The following GNG7 variants were observed in gnomAD, a reference collection of about 807,000 sequenced individuals.
The protein encoded by GNG7 is G protein subunit gamma 7.
GNG7 carries 1 observed loss-of-function variant against 4.0 expected under a neutral mutation model. That is an observed-to-expected ratio of 0.25 (90% CI 0.09 to 1.18). The LOEUF (loss-of-function observed/expected upper bound fraction) is 1.18. Among genes scored for constraint, GNG7 ranks in the 50% most tolerant of loss-of-function variants. The pLI is 0.50. For missense variants in GNG7, 86 were observed against 91.9 expected (o/e 0.94, Z 0.26); for synonymous variants, 34 against 36.9 (o/e 0.92, Z 0.29).
At chr19:2,677,007 C>T (rs923641373) in intron 1 of GNG7, among the ~76,000 whole-genome samples, 3 of 152,120 alleles carry the variant, frequency 2.0e-5, no homozygotes, top group South Asian at 2.1e-4. Context: ...TTCTCCTGGC[C>T]GTGATCCGGC....
chr19:2,545,127 A>C (rs1038698223), intron 3 of GNG7, among the ~76,000 whole-genome samples: 1 of 151,450 alleles, frequency 6.6e-6, no homozygotes, highest in Non-Finnish European at 1.5e-5. Context: ...GGAATCCCCT[A>C]TCCCTGGGGG....
intron 3 of GNG7, among the ~76,000 whole-genome samples, chr19:2,533,505 G>T (rs1481051926): frequency 6.6e-6 from 1 of 152,060 alleles, no homozygotes; most frequent in African/African-American, 2.4e-5. Flanking sequence ...GTACACATTT[G>T]CTAAAATCCA....
In GNG7 at chr19:2,513,916, A is replaced by AC. The variant is rs34327923; in HGVS notation, c.*1105dup. The AC allele has an allele frequency of 0.67, 102,566 of 152,240 alleles. 34,726 individuals are homozygous for AC. Among genetic ancestry groups the AC allele is most frequent in the South Asian group, 0.79 (3,812 of 4,834 alleles). 9.4% of individuals were successfully genotyped at this position (152,240 alleles called of 1,614,324 possible). On this transcript the variant is annotated 3_prime_UTR_variant, in exon 5 of 5. Coordinates refer to ENST00000382159, the MANE Select transcript of GNG7 (RefSeq NM_052847.3). ...CACGCGGATGCCTCATGCTTAAAAC[A>AC]CACTGGGCGCGGTGGCTCATGCCTG...
At chr19:2,650,288 C>T (rs56410449) in intron 1 of GNG7, among the ~76,000 whole-genome samples, 71,289 of 149,978 alleles carry the variant, frequency 0.48, 16,910 homozygotes, top group East Asian at 0.54. Flanking sequence ...CGAGTTCAAG[C>T]GATTCTCCTG....
At chr19:2,575,828 C>T (rs1343723178) in intron 2 of GNG7, among the ~76,000 whole-genome samples, 1 of 145,366 alleles carries the variant, frequency 6.9e-6, no homozygotes, top group East Asian at 2.1e-4. Flanking sequence ...CAGGCACACG[C>T]AGACAGGCAG....
intron 1 of GNG7, among the ~76,000 whole-genome samples, chr19:2,681,086 A>G (rs1460883890): frequency 6.6e-6 from 1 of 151,844 alleles, no homozygotes; most frequent in East Asian, 1.9e-4. Context: ...TGTTTCTTTG[A>G]TCCTCCTGTG....
chr19:2,632,451 A>C lies in GNG7; in HGVS notation c.-78+13773T>G, dbSNP rs1391083956. On this transcript the variant is annotated intron_variant, in intron 2 of 4. Transcript: ENST00000382159. The stretch of plus-strand genomic sequence containing the variant: ...TCTCAAAAAAAAAAAAAACAAAAAA[A>C]CCCAACCTGCTATAAACAAAACTCA... The C allele has an allele frequency of 2.0e-5, 3 of 150,370 alleles. No homozygotes were observed. The East Asian group carries it at 5.8e-4, about 29-fold the overall frequency. The allele number at this position is 150,370 out of a possible 1,614,324, so 9.3% of individuals were successfully genotyped here. A position where few individuals can be genotyped will look rare whatever the true frequency, so the allele number is the denominator to read the frequency against.
chr19:2,543,511 C>A (rs1979030114), intron 3 of GNG7, among the ~76,000 whole-genome samples: 1 of 152,204 alleles, frequency 6.6e-6, no homozygotes, highest in South Asian at 2.1e-4. Context: ...GGGCATGAAC[C>A]CCCGCTCCCG....
chr19:2,573,532 T>C lies in GNG7; in HGVS notation c.-77-18344A>G, dbSNP rs1599399298. Among the ~76,000 whole-genome samples, 3 of 151,852 alleles carry C rather than the reference T, an allele frequency of 2.0e-5. No homozygotes were observed. In the East Asian group the frequency reaches 5.9e-4, roughly 30 times the overall value. ...GTGGAGAACGATCTAAAAGTGGGAT[T>C]GGGGCTGGGGGTGGTGGCTCACACC... On this transcript the variant is annotated intron_variant, in intron 2 of 4. Coordinates refer to ENST00000382159, the MANE Select transcript of GNG7 (RefSeq NM_052847.3).
At chr19:2,545,729 G>A (rs1022000555) in intron 3 of GNG7, among the ~76,000 whole-genome samples, 1 of 151,032 alleles carries the variant, frequency 6.6e-6, no homozygotes, top group African/African-American at 2.4e-5. Context: ...TGAGGTGGGT[G>A]GATCACCTGA....
At chr19:2,515,283 T>G (rs1311332968) in intron 4 of GNG7, 136 bp from the exon 5 acceptor site, 3 of 1,021,098 alleles carry the variant, frequency 2.9e-6, no homozygotes, top group Non-Finnish European at 4.3e-6. Flanking sequence ...GGGCAAACAG[T>G]GCGGCCCGTC....
chr19:2,536,538 G>T (rs895733642), intron 3 of GNG7, among the ~76,000 whole-genome samples: 1 of 152,166 alleles, frequency 6.6e-6, no homozygotes, highest in Non-Finnish European at 1.5e-5. Context: ...TCGATGTTTT[G>T]TTTGTCTTGG....
At chr19:2,629,715 G>A (rs1041825630) in intron 2 of GNG7, among the ~76,000 whole-genome samples, 3 of 152,160 alleles carry the variant, frequency 2.0e-5, no homozygotes, top group African/African-American at 7.2e-5. Context: ...AAGTCTAGAT[G>A]GTTTTGTTTG....
chr19:2,563,989 G>A lies in GNG7; in HGVS notation c.-77-8801C>T, dbSNP rs547397073. Reference sequence around the variant, plus strand: ...GGTATTTGGGGGTGTTGGGTGGGGTGGGAGAAACAGCAGGGAAAAATCAAA... The same window carrying A: ...GGTATTTGGGGGTGTTGGGTGGGGTAGGAGAAACAGCAGGGAAAAATCAAA... On this transcript the variant is annotated intron_variant, in intron 2 of 4. Transcript: ENST00000382159. Among the ~76,000 whole-genome samples, 10 of 152,226 alleles carry A rather than the reference G, an allele frequency of 6.6e-5. No homozygotes were observed. In the South Asian group the frequency reaches 2.1e-3, roughly 32 times the overall value.
chr19:2,546,606 A>G lies in GNG7; in HGVS notation c.-38+8543T>C, dbSNP rs1319418204. ...GGAATGAATGAGGTGCCCACGAGAAAGTGAAAAATAGACCAGCGGGGCAGG... is the reference window on the plus strand; with the variant it reads ...GGAATGAATGAGGTGCCCACGAGAAGGTGAAAAATAGACCAGCGGGGCAGG... On this transcript the variant is annotated intron_variant, in intron 3 of 4. Coordinates refer to ENST00000382159, the MANE Select transcript of GNG7 (RefSeq NM_052847.3). The surrounding 1 kb of genome is among the most constrained non-coding windows in gnomAD (Gnocchi z 6.3). Among the ~76,000 whole-genome samples, 1 of 152,144 alleles carries G rather than the reference A, an allele frequency of 6.6e-6. No homozygotes were observed. Among genetic ancestry groups the G allele is most frequent in the East Asian group, 1.9e-4 (1 of 5,182 alleles).
intron 1 of GNG7, among the ~76,000 whole-genome samples, chr19:2,687,688 T>C (rs892010689): frequency 7.3e-5 from 11 of 150,240 alleles, no homozygotes; most frequent in African/African-American, 2.7e-4. Context: ...GAAGTTTAAA[T>C]CATGATGCCG....
At chr19:2,589,500 A>G (rs1427829436) in intron 2 of GNG7, among the ~76,000 whole-genome samples, 1 of 149,546 alleles carries the variant, frequency 6.7e-6, no homozygotes, top group African/African-American at 2.5e-5. Context: ...GATCACAGGC[A>G]TGAGCCACCA....
intron 2 of GNG7, among the ~76,000 whole-genome samples, chr19:2,575,893 ACACGCAGG>A (rs1980317495): frequency 6.6e-6 from 1 of 151,420 alleles, no homozygotes; most frequent in Non-Finnish European, 1.5e-5. Flanking sequence ...GCACACGCAG[ACACGCAGG>A]CACACGCAGG....
chr19:2,582,453 A>G (rs1177543316), intron 2 of GNG7, among the ~76,000 whole-genome samples: 1 of 152,128 alleles, frequency 6.6e-6, no homozygotes, highest in African/African-American at 2.4e-5. Flanking sequence ...ATTATAGATC[A>G]TACAATGAGC....
Sources: allele counts gnomAD v4.1 joint callset (sites outside exome capture counted in the v4.1 genomes callset), GRCh38; gene constraint gnomAD v4.1.1; non-coding constraint Gnocchi (gnomAD v3.1); transcripts MANE v1.5; gene names NCBI Gene and HGNC (gene_info 2026-07-23, HGNC 2026-07-21).